MIA3: variants seen among roughly 807,000 people sequenced by gnomAD.
MIA3 encodes the protein transport and Golgi organization protein 1 homolog.
In MIA3, 90 loss-of-function variants were observed where a neutral mutation model predicts 192.4. The observed-to-expected ratio is 0.47, with a 90% CI of 0.39 to 0.56. The LOEUF (loss-of-function observed/expected upper bound fraction) is 0.56. Ranked by LOEUF, MIA3 falls within the 20% of genes least tolerant of loss-of-function variation. The pLI, the probability that MIA3 is intolerant of heterozygous loss-of-function variation, is 0.00. For missense variants in MIA3, 2,123 were observed against 2,269.4 expected, an observed-to-expected ratio of 0.94 and a Z score of 1.31; for synonymous variants, 740 against 792.8, an observed-to-expected ratio of 0.93 and a Z score of 1.12.
rs192547379 is a variant in MIA3 at position 222,645,157 on chromosome 1, C to T, written c.3478-397C>T. ...ATCATCATATTGGTTTTATTTGCAG[C>T]CATAAAAAGTTAGTTACTTGTATAT... On this transcript the variant is annotated intron_variant, in intron 6 of 27. Transcript: ENST00000344922. Among the ~76,000 whole-genome samples, 35 of 152,214 alleles carry T rather than the reference C, an allele frequency of 2.3e-4. No individual in the cohort carries two copies. In the South Asian group the frequency reaches 4.4e-3, roughly 19 times the overall value.
At chr1:222,631,551 T>A (rs541701595) in intron 4 of MIA3, among the ~76,000 whole-genome samples, 39 of 152,308 alleles carry the variant, frequency 2.6e-4, no homozygotes, top group East Asian at 3.9e-4. Flanking sequence ...TGCATTTAAT[T>A]AAAACATATA....
At position 222,620,456 on chromosome 1, in the gene MIA3, G is replaced by A. The variant is rs2102709424; in HGVS notation, c.134-703G>A. Among the ~76,000 whole-genome samples, 2 of 152,272 alleles carry A rather than the reference G, an allele frequency of 1.3e-5. 1 individual carries two copies. On this transcript the variant is annotated intron_variant, in intron 1 of 27. Coordinates refer to ENST00000344922, the MANE Select transcript of MIA3 (RefSeq NM_198551.4). ...ATAAGGGTATTCTTTCCTTTGTTTT[G>A]AAACTTAATTTTGGATACAGTCAAC...
intron 26 of MIA3, chr1:222,662,601 G>T: frequency 1.3e-6 from 1 of 766,124 alleles, no homozygotes; most frequent in Non-Finnish European, 1.8e-6. Context: ...TTTTATCCTT[G>T]ACTTGGGAGT....
In MIA3 at chr1:222,666,204, T is replaced by C. The variant is rs1357214636; in HGVS notation, c.*585T>C. The C allele has an allele frequency of 6.6e-6, 1 of 152,236 alleles. No homozygotes were observed. Among genetic ancestry groups the C allele is most frequent in the Non-Finnish European group, 1.5e-5 (1 of 68,062 alleles). The allele number at this position is 152,236 out of a possible 1,614,324, so 9.4% of individuals were successfully genotyped here. A position where few individuals can be genotyped will look rare whatever the true frequency, so the allele number is the denominator to read the frequency against. ...TGAGGCTTGTGCCATTTGGGGAACA[T>C]GTAAACTCAGGCTCCCAGAACTGAA... On this transcript the variant is annotated 3_prime_UTR_variant, in exon 28 of 28. Coordinates refer to ENST00000344922, the MANE Select transcript of MIA3 (RefSeq NM_198551.4).
rs762779712 is a variant in MIA3 at position 222,629,869 on chromosome 1, A to C, written c.2649A>C (p.Thr883=). Residue 883 remains threonine, a synonymous_variant, in exon 4 of 28, where the codon ACA becomes ACC. Coordinates refer to ENST00000344922, the MANE Select transcript of MIA3 (RefSeq NM_198551.4). ...GELSKEDHEN[T]EKYMGTESQG... The stretch of plus-strand genomic sequence containing the variant: ...TCTCAAAAGAGGACCATGAGAACAC[A>C]GAGAAGTACATGGGCACAGAAAGCC... The C allele has an allele frequency of 1.9e-6, 3 of 1,613,850 alleles. No homozygotes were observed. In the South Asian group the frequency reaches 3.3e-5, roughly 18 times the overall value.
At position 222,633,194 on chromosome 1, in the gene MIA3, C is replaced by A. The variant is rs1382837257; in HGVS notation, c.3422C>A (p.Pro1141His). 2 of 1,613,910 alleles carry A rather than the reference C, an allele frequency of 1.2e-6. No individual in the cohort carries two copies. The highest frequency in any genetic ancestry group is 3.3e-5 in the Admixed American group (2 of 59,958). ...TAAEEPASVT[P>H]LENAILLIYS... ...GCCGAAGAGCCGGCAAGTGTCACACCTTTGGAAAACGCAATCCTTCTAATA... is the reference window on the plus strand; with the variant it reads ...GCCGAAGAGCCGGCAAGTGTCACACATTTGGAAAACGCAATCCTTCTAATA... The change falls in exon 6 of 28, where the codon CCT becomes CAT. Residue 1141 changes from proline (P) to histidine (H), a missense_variant. By Grantham distance (77) the Pro-to-His change is moderately conservative. Coordinates refer to ENST00000344922, the MANE Select transcript of MIA3 (RefSeq NM_198551.4).
At position 222,627,812 on chromosome 1, in the gene MIA3, G is replaced by C. The variant is rs1571864455; in HGVS notation, c.592G>C (p.Glu198Gln). 1.5e-5 allele frequency: 25 copies of C among 1,613,980 alleles called. No homozygotes were observed. In the East Asian group the frequency reaches 5.6e-4, roughly 36 times the overall value. ...ESDSVFSENTEDLQEQFTTQK... is the reference protein window; with the variant it reads ...ESDSVFSENTQDLQEQFTTQK... ...TGATAGTGTATTCTCAGAAAACACT[G>C]AGGATCTTCAGGAACAGTTTACAAC... is the stretch of plus-strand genomic sequence containing the variant. The change falls in exon 4 of 28, where the codon GAG becomes CAG. Residue 198 changes from glutamate (E) to glutamine (Q), a missense_variant. Glu to Gln is a conservative substitution (Grantham distance 29). Transcript: ENST00000344922.
chr1:222,654,982 A>G (rs758271654), intron 18 of MIA3, among the ~76,000 whole-genome samples, 189 bp downstream of exon 18: 11 of 152,182 alleles, frequency 7.2e-5, no homozygotes, highest in Non-Finnish European at 1.6e-4. Context: ...ACCAGTAGTC[A>G]AAAACTGTTG....
chr1:222,630,211 T>C lies in MIA3; in HGVS notation c.2991T>C (p.Arg997=). 1 of 1,614,220 alleles carries C rather than the reference T, an allele frequency of 6.2e-7. No individual in the cohort carries two copies. The highest frequency in any genetic ancestry group is 8.5e-7 in the Non-Finnish European group (1 of 1,180,028). Residue 997 remains arginine, a synonymous_variant, in exon 4 of 28, where the codon CGT becomes CGC. Transcript: ENST00000344922. ...LSIAEKMLDT[R]VAENRDLGMN... ...TAGCAGAAAAAATGCTTGATACTCG[T>C]GTGGCTGAAAATAGAGATCTGGGAA...
intron 6 of MIA3, among the ~76,000 whole-genome samples, chr1:222,643,894 G>A (rs1662982472): frequency 6.6e-6 from 1 of 152,156 alleles, no homozygotes; most frequent in East Asian, 1.9e-4. Context: ...GTGAGACAGC[G>A]AGCGCAATGG....
In MIA3 at chr1:222,657,173, T is replaced by G. The variant is rs190424032; in HGVS notation, c.4608-1549T>G. ...TGAGATTACCTCTAGCAGGTGGTCATTACTTTATTCCAGTTAGCAATTAAA... is the reference window on the plus strand; with the variant it reads ...TGAGATTACCTCTAGCAGGTGGTCAGTACTTTATTCCAGTTAGCAATTAAA... On this transcript the variant is annotated intron_variant, in intron 18 of 27. Coordinates refer to ENST00000344922, the MANE Select transcript of MIA3 (RefSeq NM_198551.4). Among the ~76,000 whole-genome samples the G allele has an allele frequency of 3.9e-5, 6 of 152,338 alleles. No homozygotes were observed. In the East Asian group the frequency reaches 7.7e-4, roughly 20 times the overall value.
intron 27 of MIA3, among the ~76,000 whole-genome samples, chr1:222,664,471 A>G (rs1664180203): frequency 6.6e-6 from 1 of 152,204 alleles, no homozygotes; most frequent in Non-Finnish European, 1.5e-5. Context: ...TCCCCTAACT[A>G]AGATGTCCTG....
At chr1:222,619,967 G>A (rs1420840487) in intron 1 of MIA3, among the ~76,000 whole-genome samples, 13 of 152,162 alleles carry the variant, frequency 8.5e-5, no homozygotes, top group Non-Finnish European at 1.9e-4. Context: ...ATGATCTATT[G>A]TAAGGGGGAG....
At chr1:222,630,435 G>T (rs1450060417) in intron 4 of MIA3, 46 bp downstream of exon 4, 4 of 1,532,418 alleles carry the variant, frequency 2.6e-6, no homozygotes, top group African/African-American at 2.8e-5. Flanking sequence ...GAAGCAGGTG[G>T]GTGGGTCGCT....
rs758723020 is a variant in MIA3, at chr1:222,629,981, G to C, written c.2761G>C (p.Glu921Gln). The C allele has an allele frequency of 1.9e-6, 3 of 1,613,850 alleles. No homozygotes were observed. The Admixed American group carries it at 5.0e-5, about 27-fold the overall frequency. Residue 921 changes from glutamate (E) to glutamine (Q), a missense_variant, in exon 4 of 28, where the codon GAG (glutamate) becomes CAG (glutamine). Coordinates refer to ENST00000344922, the MANE Select transcript of MIA3 (RefSeq NM_198551.4). ...AGAGCCAGGGCATAGTGACAAGAGG[G>C]AGGACTTACTTATCATAAGCAGCTT... ...SVEPGHSDKR[E>Q]DLLIISSFFK...
chr1:222,633,552 T>A (rs1229165977), intron 6 of MIA3, among the ~76,000 whole-genome samples: 2 of 152,166 alleles, frequency 1.3e-5, no homozygotes, highest in Non-Finnish European at 2.9e-5. Context: ...AACATGATAA[T>A]GGGCAGGAAG....
At chr1:222,662,639 C>G in intron 26 of MIA3, 1 of 427,444 alleles carries the variant, frequency 2.3e-6, no homozygotes, top group Non-Finnish European at 3.8e-6. Flanking sequence ...GATTCATTGG[C>G]CTTTTCTCCT....
At chr1:222,653,180 GTTGAA>G (rs1230018516) in intron 14 of MIA3, 43 bp from the exon 15 acceptor site, 1 of 1,596,062 alleles carries the variant, frequency 6.3e-7, no homozygotes, top group East Asian at 2.2e-5. Flanking sequence ...TATCAAATCT[GTTGAA>G]TTAAATGGAA....
At chr1:222,662,170 TG>T (rs1396660627) in intron 25 of MIA3, 46 bp downstream of exon 25, 1 of 1,603,522 alleles carries the variant, frequency 6.2e-7, no homozygotes, top group South Asian at 1.1e-5. Context: ...ATGCAGGAAG[TG>T]GGGAGAGGAT....
Sources: allele counts gnomAD v4.1 joint callset (sites outside exome capture counted in the v4.1 genomes callset), GRCh38; gene constraint gnomAD v4.1.1; transcripts MANE v1.5; gene names NCBI Gene and HGNC (gene_info 2026-07-23, HGNC 2026-07-21).